Variants in CCDC13 observed in about 807,000 individuals in gnomAD.
CCDC13 encodes coiled-coil domain-containing protein 13.
Under a neutral mutation model 87.3 loss-of-function variants are expected in CCDC13, and 70 were observed. The ratio of observed to expected loss-of-function variants is 0.80; its 90% confidence interval spans 0.66 to 0.98. The LOEUF is 0.98. CCDC13 is among the 50% of genes least tolerant of loss of function. The pLI, the probability that CCDC13 is intolerant of heterozygous loss-of-function variation, is 0.00. For missense variants in CCDC13, 842 were observed against 892.0 expected, an observed-to-expected ratio of 0.94 and a Z score of 0.71; for synonymous variants, 317 against 360.3, an observed-to-expected ratio of 0.88 and a Z score of 1.36.
chr3:42,713,170 G>T lies in CCDC13; in HGVS notation c.1865C>A (p.Thr622Asn). 1 of 1,613,870 alleles carries T rather than the reference G, an allele frequency of 6.2e-7. No homozygotes were observed. The highest frequency in any genetic ancestry group is 8.5e-7 in the Non-Finnish European group (1 of 1,179,880). The change falls in exon 14 of 16, where the codon ACC (threonine) becomes AAC (asparagine). Residue 622 changes from threonine to asparagine, a missense_variant. Physicochemically the swap from Thr to Asn is moderately conservative, Grantham distance 65 (BLOSUM62 0). Coordinates refer to ENST00000310232, the MANE Select transcript of CCDC13 (RefSeq NM_144719.4). ...ASASQRAAPR[T>N]KTGLPTSNNR... is the part of the protein sequence containing the mutation. ...ACTGCCCTGGCCCCTACCTGTTTTG[G>T]TCCTGGGAGCTGCTCTCTGGGAGGC... is the stretch of plus-strand genomic sequence containing the variant.
intron 14 of CCDC13, among the ~76,000 whole-genome samples, chr3:42,711,146 T>C (rs1013529362): frequency 6.7e-6 from 1 of 148,698 alleles, no homozygotes; most frequent in African/African-American, 2.5e-5. Flanking sequence ...CTTGGGAGGC[T>C]GAGGCAGGGG....
chr3:42,734,950 A>T, intron 10 of CCDC13, among the ~76,000 whole-genome samples: 1 of 152,274 alleles, frequency 6.6e-6, no homozygotes, highest in Non-Finnish European at 1.5e-5. Flanking sequence ...TGCTTGCTCC[A>T]GTGCCAGGCA....
chr3:42,737,393 T>C (rs975415384), intron 9 of CCDC13, among the ~76,000 whole-genome samples: 3 of 152,236 alleles, frequency 2.0e-5, no homozygotes, highest in Non-Finnish European at 4.4e-5. Context: ...TGCGTCTTTA[T>C]AGTAGCATGA....
chr3:42,734,205 G>A (rs1021889617), intron 10 of CCDC13, among the ~76,000 whole-genome samples: 7 of 152,158 alleles, frequency 4.6e-5, no homozygotes, highest in East Asian at 1.9e-4. Flanking sequence ...GTGGACAACC[G>A]GTGTAAGCCC....
intron 1 of CCDC13, among the ~76,000 whole-genome samples, chr3:42,764,577 C>A (rs565177555): frequency 6.6e-6 from 1 of 152,336 alleles, no homozygotes; most frequent in East Asian, 1.9e-4. Flanking sequence ...AAATGTTGTT[C>A]TTTCTCTTAA....
intron 7 of CCDC13, among the ~76,000 whole-genome samples, chr3:42,743,879 G>A (rs1352232795): frequency 6.6e-6 from 1 of 152,002 alleles, no homozygotes; most frequent in Non-Finnish European, 1.5e-5. Context: ...GGCAGGGTTT[G>A]GAAACAGACT....
intron 1 of CCDC13, chr3:42,770,627 C>G (rs995677967): frequency 6.6e-6 from 1 of 152,360 alleles, no homozygotes; most frequent in Non-Finnish European, 1.5e-5. Flanking sequence ...CCCTTCCACA[C>G]TGTTGAAGCT....
chr3:42,742,074 G>A (rs947271775), intron 8 of CCDC13, among the ~76,000 whole-genome samples: 5 of 152,202 alleles, frequency 3.3e-5, no homozygotes, highest in South Asian at 2.1e-4. Flanking sequence ...CTTCTTTAAA[G>A]TGGCCCCTAC....
chr3:42,725,404 T>G (rs1260414489), intron 13 of CCDC13, among the ~76,000 whole-genome samples: 1 of 151,972 alleles, frequency 6.6e-6, no homozygotes, highest in African/African-American at 2.4e-5. Flanking sequence ...CATGTTGGCA[T>G]GTGCCTGTGG....
At chr3:42,713,443 A>G (rs762116632) in intron 13 of CCDC13, 127 bp from the exon 14 acceptor site, 22 of 881,100 alleles carry the variant, frequency 2.5e-5, no homozygotes, top group Admixed American at 7.8e-5. Context: ...CTTCATTTTC[A>G]TTGCAGTAAC....
At chr3:42,727,386 AAAAT>A (rs924772865) in intron 13 of CCDC13, among the ~76,000 whole-genome samples, 3 of 152,040 alleles carry the variant, frequency 2.0e-5, no homozygotes, top group Admixed American at 6.5e-5. Context: ...AAAGAAAAGA[AAAAT>A]AAATAAATAA....
intron 13 of CCDC13, among the ~76,000 whole-genome samples, chr3:42,726,672 T>C (rs1698695811): frequency 6.6e-6 from 1 of 152,064 alleles, no homozygotes; most frequent in East Asian, 1.9e-4. Context: ...TATTTACATA[T>C]GTATACTTTA....
At chr3:42,761,674 G>C (rs769510099) in intron 1 of CCDC13, among the ~76,000 whole-genome samples, 2 of 152,182 alleles carry the variant, frequency 1.3e-5, no homozygotes, top group African/African-American at 2.4e-5. Context: ...ACAGACTCCT[G>C]TGCAAAAAGC....
intron 8 of CCDC13, among the ~76,000 whole-genome samples, chr3:42,740,710 G>A (rs1461365836): frequency 1.3e-5 from 2 of 152,190 alleles, no homozygotes; most frequent in South Asian, 4.1e-4. Context: ...AAGGTGTGTG[G>A]CTGGAGCACA....
rs1038557733 is a variant in CCDC13 at position 42,735,607 on chromosome 3, A to C, written c.1371+100T>G. On this transcript the variant is annotated intron_variant, in intron 10 of 15. Transcript: ENST00000310232. ...GGCCAAAGTGGAGCCAGGAAGGATGAAGTCTGGCCTGAGCTAAGGCAAGTG... is the reference window on the plus strand; with the variant it reads ...GGCCAAAGTGGAGCCAGGAAGGATGCAGTCTGGCCTGAGCTAAGGCAAGTG... The C allele has an allele frequency of 5.6e-6, 7 of 1,245,762 alleles. No homozygotes were observed. In the African/African-American group the frequency reaches 8.8e-5, roughly 16 times the overall value. 77.2% of individuals were successfully genotyped at this position (1,245,762 alleles called of 1,614,324 possible). A position where few individuals can be genotyped will look rare whatever the true frequency, so the allele number is the denominator to read the frequency against.
At chr3:42,717,523 G>A (rs1001524156) in intron 13 of CCDC13, among the ~76,000 whole-genome samples, 3 of 152,040 alleles carry the variant, frequency 2.0e-5, no homozygotes, top group Non-Finnish European at 4.4e-5. Flanking sequence ...TCTGTTTGTG[G>A]TTATGAAAAA....
intron 13 of CCDC13, among the ~76,000 whole-genome samples, chr3:42,715,213 G>T (rs1698402027): frequency 6.6e-6 from 1 of 151,962 alleles, no homozygotes; most frequent in South Asian, 2.1e-4. Context: ...GGAGGCTGAG[G>T]CAGGAGAATC....
At chr3:42,727,633 T>C (rs1402684813) in intron 13 of CCDC13, among the ~76,000 whole-genome samples, 1 of 152,026 alleles carries the variant, frequency 6.6e-6, no homozygotes, top group Non-Finnish European at 1.5e-5. Context: ...AAAAAAAGAA[T>C]GTGGAAGAGA....
Position 42,708,282 on chromosome 3 carries a change from C to T in CCDC13, c.*698G>A, listed in dbSNP as rs1224982983. 6.6e-6 allele frequency: 1 copy of T among 152,174 alleles called. No individual in the cohort carries two copies. The highest frequency in any genetic ancestry group is 1.5e-5 in the Non-Finnish European group (1 of 68,040). The allele number at this position is 152,174 out of a possible 1,614,324, so 9.4% of individuals were successfully genotyped here. A position where few individuals can be genotyped will look rare whatever the true frequency, so the allele number is the denominator to read the frequency against. ...TATTAGCTCAGCTTCTTTCTGTGAA[C>T]CTCAGTTTCTTCATCTGTCAAATAA... On this transcript the variant is annotated 3_prime_UTR_variant, in exon 16 of 16. Transcript: ENST00000310232.
Sources: allele counts gnomAD v4.1 joint callset (sites outside exome capture counted in the v4.1 genomes callset), GRCh38; gene constraint gnomAD v4.1.1; transcripts MANE v1.5; gene names NCBI Gene and HGNC (gene_info 2026-07-23, HGNC 2026-07-21).